Variants in PTPN14 observed in about 807,000 individuals in gnomAD.
PTPN14 encodes tyrosine-protein phosphatase non-receptor type 14.
PTPN14 carries 53 observed loss-of-function variants against 126.8 expected under a neutral mutation model. That is an observed-to-expected ratio of 0.42 (90% CI 0.34 to 0.53). The LOEUF (loss-of-function observed/expected upper bound fraction) is 0.53. Ranked by LOEUF, PTPN14 falls within the 20% of genes least tolerant of loss-of-function variation. The probability of loss-of-function intolerance (pLI) is 0.08; values close to 1 mark genes in which losing one functional copy is unlikely to be tolerated. For missense variants in PTPN14, 1,257 were observed against 1,552.9 expected (o/e 0.81, Z 3.20); for synonymous variants, 630 against 599.3 (o/e 1.05, Z -0.75).
chr1:214,464,002 T>A (rs958023614), intron 2 of PTPN14, among the ~76,000 whole-genome samples: 1 of 152,194 alleles, frequency 6.6e-6, no homozygotes, highest in Non-Finnish European at 1.5e-5. Flanking sequence ...TAAAGAGTGA[T>A]AGCATGACTT....
intron 2 of PTPN14, among the ~76,000 whole-genome samples, chr1:214,456,461 T>G (rs570177223): frequency 6.6e-5 from 10 of 152,324 alleles, no homozygotes; most frequent in Admixed American, 2.6e-4. Context: ...TGTACATCAG[T>G]TGGATAACGG....
Position 214,551,215 on chromosome 1 carries a change from C to T in PTPN14, c.-187G>A, listed in dbSNP as rs1051535456. ...CATGGCCCCCGTGGCGCCCCGGAGT[C>T]CCGCGCGGAAAGGCTGTCCTTCGCG... On this transcript the variant is annotated 5_prime_UTR_variant, in exon 1 of 19. Transcript: ENST00000366956. 14 of 152,380 alleles carry T rather than the reference C, an allele frequency of 9.2e-5. 1 individual carries two copies. Among genetic ancestry groups the T allele is most frequent in the African/African-American group, 3.4e-4 (14 of 41,466 alleles). 9.4% of individuals were successfully genotyped at this position (152,380 alleles called of 1,614,324 possible).
chr1:214,444,240 T>C (rs1382945106), intron 3 of PTPN14, among the ~76,000 whole-genome samples: 2 of 152,210 alleles, frequency 1.3e-5, no homozygotes, highest in Non-Finnish European at 2.9e-5. Context: ...TAGATCCCAA[T>C]GTCAACTGCA....
intron 3 of PTPN14, among the ~76,000 whole-genome samples, chr1:214,433,223 C>T (rs1004861652): frequency 6.6e-6 from 1 of 151,916 alleles, no homozygotes; most frequent in South Asian, 2.1e-4. Flanking sequence ...CTTGTCTGTG[C>T]ATATGTTATA....
At position 214,384,056 on chromosome 1, in the gene PTPN14, C is replaced by T. The variant is rs766640481; in HGVS notation, c.1799G>A (p.Arg600Gln). 8.8e-6 allele frequency: 14 copies of T among 1,584,506 alleles called. No individual in the cohort carries two copies. The highest frequency in any genetic ancestry group is 1.0e-5 in the Non-Finnish European group (12 of 1,167,582). The change falls in exon 13 of 19, where the codon CGG becomes CAG. Residue 600 changes from arginine to glutamine, a missense_variant. Physicochemically the swap from Arg to Gln is conservative, Grantham distance 43. This residue lies in a region of PTPN14 where 1,021 missense variants were observed against 1,183.3 expected (regional missense o/e 0.86). Transcript: ENST00000366956. This position sits in a 1 kb window ranked among gnomAD's most constrained non-coding sequence, Gnocchi z 5.3. ...GGTCTTCACCGAGAGCTGCACCTTC[C>T]GGGTCACCAGGTCCGGGCTGCTGCC... is the stretch of plus-strand genomic sequence containing the variant. ...VSGSSPDLVT[R>Q]KVQLSVKTFQ... is the part of the protein sequence containing the mutation.
chr1:214,401,160 G>C (rs1460271743), intron 7 of PTPN14, among the ~76,000 whole-genome samples: 1 of 152,158 alleles, frequency 6.6e-6, no homozygotes, highest in Non-Finnish European at 1.5e-5. Flanking sequence ...GATGTGATGT[G>C]CTATAGCAGT....
chr1:214,452,224 G>A (rs944685248), intron 2 of PTPN14, among the ~76,000 whole-genome samples: 60 of 152,298 alleles, frequency 3.9e-4, no homozygotes, highest in Admixed American at 1.9e-3. Context: ...ATACCAAAGC[G>A]CCCATGTGAG....
At chr1:214,435,351 A>G (rs937238277) in intron 3 of PTPN14, among the ~76,000 whole-genome samples, 3 of 152,126 alleles carry the variant, frequency 2.0e-5, no homozygotes, top group Non-Finnish European at 4.4e-5. Context: ...TTAGATGTTC[A>G]AAGCTTTAAA....
chr1:214,464,093 AAAG>A (rs1660570922), intron 2 of PTPN14, among the ~76,000 whole-genome samples: 1 of 152,084 alleles, frequency 6.6e-6, no homozygotes, highest in East Asian at 1.9e-4. Flanking sequence ...GGAATCTTAA[AAAG>A]AAGAAAACCT....
intron 12 of PTPN14, among the ~76,000 whole-genome samples, chr1:214,386,152 T>C (rs1658603523): frequency 1.3e-5 from 2 of 152,186 alleles, no homozygotes; most frequent in Admixed American, 6.5e-5. Context: ...TTTCTATAAC[T>C]GTAAAATAGA....
At chr1:214,473,847 C>A (rs61819630) in intron 1 of PTPN14, among the ~76,000 whole-genome samples, 13,694 of 152,232 alleles carry the variant, frequency 0.09, 631 homozygotes, top group South Asian at 0.12. Flanking sequence ...TTTCTTCTAT[C>A]AATCAGTTTT....
intron 3 of PTPN14, among the ~76,000 whole-genome samples, chr1:214,436,615 G>T (rs1659922331): frequency 1.3e-5 from 2 of 151,932 alleles, no homozygotes; most frequent in South Asian, 4.2e-4. Flanking sequence ...GGCCAACATG[G>T]TGAAACCCCT....
At chr1:214,418,060 C>A (rs1659464390) in intron 3 of PTPN14, among the ~76,000 whole-genome samples, 1 of 152,308 alleles carries the variant, frequency 6.6e-6, no homozygotes, top group African/African-American at 2.4e-5. Context: ...CCTCATTACT[C>A]CTGGGACTAG....
intron 1 of PTPN14, among the ~76,000 whole-genome samples, chr1:214,517,320 T>C (rs1337464314): frequency 6.6e-6 from 1 of 151,974 alleles, no homozygotes; most frequent in Non-Finnish European, 1.5e-5. Flanking sequence ...AATTACTGCA[T>C]CAAAACTTAA....
At chr1:214,513,900 CTG>C (rs1391597358) in intron 1 of PTPN14, among the ~76,000 whole-genome samples, 2 of 152,058 alleles carry the variant, frequency 1.3e-5, no homozygotes, top group African/African-American at 4.8e-5. Flanking sequence ...TTTTTGGTTG[CTG>C]TGTTATTACT....
chr1:214,514,417 G>T (rs1276563037), intron 1 of PTPN14, among the ~76,000 whole-genome samples: 1 of 152,182 alleles, frequency 6.6e-6, no homozygotes, highest in African/African-American at 2.4e-5. Flanking sequence ...TTTGAGGGAA[G>T]ATTTTCCAAA....
intron 1 of PTPN14, among the ~76,000 whole-genome samples, chr1:214,534,973 T>A (rs1401350464): frequency 6.6e-6 from 1 of 152,034 alleles, no homozygotes; most frequent in Non-Finnish European, 1.5e-5. Flanking sequence ...ACACTACCAC[T>A]CTTTGATGAC....
intron 1 of PTPN14, among the ~76,000 whole-genome samples, chr1:214,520,832 T>C (rs1201964008): frequency 6.6e-6 from 1 of 152,124 alleles, no homozygotes; most frequent in African/African-American, 2.4e-5. Context: ...CCTGACCTCC[T>C]GCTTGGAGGT....
intron 10 of PTPN14, among the ~76,000 whole-genome samples, chr1:214,391,436 A>G (rs1160439175): frequency 6.6e-6 from 1 of 152,158 alleles, no homozygotes; most frequent in Non-Finnish European, 1.5e-5. Flanking sequence ...GCAAGAAAAA[A>G]TATTTTTAAA....
Sources: allele counts gnomAD v4.1 joint callset (sites outside exome capture counted in the v4.1 genomes callset), GRCh38; gene constraint gnomAD v4.1.1; regional missense constraint gnomAD v4.1.1; non-coding constraint Gnocchi (gnomAD v3.1); transcripts MANE v1.5; gene names NCBI Gene and HGNC (gene_info 2026-07-23, HGNC 2026-07-21).